The following SLC39A11 variants were observed in gnomAD, a reference collection of about 807,000 sequenced individuals.
The protein encoded by SLC39A11 is solute carrier family 39 member 11.
In SLC39A11, 33 loss-of-function variants were observed where a neutral mutation model predicts 36.1. That is an observed-to-expected ratio of 0.91 (90% CI 0.69 to 1.22). The LOEUF is 1.22. Among genes scored for constraint, SLC39A11 ranks in the 50% most tolerant of loss-of-function variants. The pLI is 0.00. For synonymous variants in SLC39A11, 166 were observed against 170.3 expected (o/e 0.97, Z 0.20); for missense variants, 432 against 430.3 (o/e 1.00, Z -0.03).
At chr17:73,084,715 G>C (rs2060662619) in intron 3 of SLC39A11, 93 bp downstream of exon 3, 2 of 1,218,958 alleles carry the variant, frequency 1.6e-6, no homozygotes, top group Non-Finnish European at 2.4e-6. Context: ...ATGCATCTAG[G>C]TCGCAAGGGG....
intron 6 of SLC39A11, among the ~76,000 whole-genome samples, chr17:72,832,831 G>C (rs1478357904): frequency 2.6e-5 from 4 of 152,180 alleles, no homozygotes; most frequent in Non-Finnish European, 5.9e-5. Context: ...AGTAAGCTGG[G>C]ACCATTATAA....
chr17:72,909,300 G>A (rs558370363), intron 5 of SLC39A11, among the ~76,000 whole-genome samples: 1 of 152,320 alleles, frequency 6.6e-6, no homozygotes, highest in South Asian at 2.1e-4. Context: ...GGTCCAGTAG[G>A]TATGAAGAAT....
chr17:72,949,827 G>C (rs972726061), intron 4 of SLC39A11, among the ~76,000 whole-genome samples: 2 of 152,020 alleles, frequency 1.3e-5, no homozygotes, highest in African/African-American at 4.8e-5. Flanking sequence ...TAATGCGGGA[G>C]AGGAGAAGGC....
chr17:72,767,936 C>T (rs537733676), intron 6 of SLC39A11, among the ~76,000 whole-genome samples: 1 of 150,702 alleles, frequency 6.6e-6, no homozygotes, highest in East Asian at 2.0e-4. Context: ...CAATCGCATC[C>T]AAAGCTCCTA....
At chr17:72,687,172 G>A (rs530108915) in intron 7 of SLC39A11, among the ~76,000 whole-genome samples, 5 of 151,182 alleles carry the variant, frequency 3.3e-5, no homozygotes, top group South Asian at 2.1e-4. Context: ...GACTACAGGC[G>A]TATGCCATCA....
intron 5 of SLC39A11, among the ~76,000 whole-genome samples, chr17:72,855,634 C>T (rs1022270217): frequency 8.5e-5 from 13 of 152,326 alleles, no homozygotes; most frequent in Middle Eastern, 3.4e-3. Context: ...CGGTGGCTCA[C>T]GCCTGTAATC....
intron 5 of SLC39A11, among the ~76,000 whole-genome samples, chr17:72,860,124 G>T (rs1170124730): frequency 1.9e-4 from 29 of 151,742 alleles, no homozygotes. Flanking sequence ...GTTGAAGGTG[G>T]GTAGTGGAGC....
At chr17:72,784,029 A>C (rs2076414869) in intron 6 of SLC39A11, among the ~76,000 whole-genome samples, 1 of 152,098 alleles carries the variant, frequency 6.6e-6, no homozygotes, top group South Asian at 2.1e-4. Context: ...ACAAGCAAAG[A>C]AAGTATGAAT....
At chr17:73,078,982 T>A (rs559742118) in intron 3 of SLC39A11, among the ~76,000 whole-genome samples, 1 of 152,188 alleles carries the variant, frequency 6.6e-6, no homozygotes, top group Non-Finnish European at 1.5e-5. Context: ...AAACTCTTTT[T>A]CAAAAGCCAA....
At chr17:72,870,320 ATT>A (rs2080543257) in intron 5 of SLC39A11, among the ~76,000 whole-genome samples, 1 of 2,112 alleles carries the variant, frequency 4.7e-4, no homozygotes, top group Non-Finnish European at 6.6e-4. Context: ...AACATCCCAG[ATT>A]TAGGTATGCT....
chr17:72,897,052 C>CAA (rs10656675), intron 5 of SLC39A11, among the ~76,000 whole-genome samples: 24,376 of 63,656 alleles, frequency 0.38, 5,322 homozygotes, highest in East Asian at 0.55. Flanking sequence ...GACTCTGTCT[C>CAA]AAAAAAAAAA....
chr17:72,936,643 A>T (rs968164218), intron 5 of SLC39A11, among the ~76,000 whole-genome samples: 9 of 152,108 alleles, frequency 5.9e-5, no homozygotes, highest in Admixed American at 4.6e-4. Flanking sequence ...GTAAGAACCT[A>T]GCCCTGGAGC....
intron 4 of SLC39A11, among the ~76,000 whole-genome samples, chr17:73,009,250 T>C (rs1436038141): frequency 2.7e-5 from 4 of 147,890 alleles, no homozygotes; most frequent in African/African-American, 1.0e-4. Context: ...GCATCTGTAG[T>C]CCCCGCTACG....
At chr17:72,728,076 C>T (rs1393316736) in intron 7 of SLC39A11, among the ~76,000 whole-genome samples, 2 of 152,146 alleles carry the variant, frequency 1.3e-5, no homozygotes, top group Non-Finnish European at 1.5e-5. Flanking sequence ...AGACAGTTGG[C>T]CTCAGAGTAT....
At chr17:72,929,736 C>G (rs1055506742) in intron 5 of SLC39A11, among the ~76,000 whole-genome samples, 1 of 152,052 alleles carries the variant, frequency 6.6e-6, no homozygotes, top group African/African-American at 2.4e-5. Context: ...AGTTGTGCCC[C>G]GGGGGTCTTG....
At chr17:72,816,376 C>A (rs1238232512) in intron 6 of SLC39A11, among the ~76,000 whole-genome samples, 16 of 151,922 alleles carry the variant, frequency 1.1e-4, no homozygotes, top group Non-Finnish European at 2.2e-4. Context: ...TTTCTTCCCA[C>A]CCTCATTCTC....
At position 72,738,681 on chromosome 17, in the gene SLC39A11, A is replaced by G. The variant is rs942884679; in HGVS notation, c.602-1962T>C. 2.7e-4 allele frequency among the ~76,000 whole-genome samples: 41 copies of G among 152,208 alleles called. 1 individual carries two copies. Among genetic ancestry groups the G allele is most frequent in the Admixed American group, 2.7e-3 (41 of 15,272 alleles). ...CCCCTCGATCCAAACACGAAGGAGAACTACTGAATTACCACCACTGTTCAG... is the reference window on the plus strand; with the variant it reads ...CCCCTCGATCCAAACACGAAGGAGAGCTACTGAATTACCACCACTGTTCAG... On this transcript the variant is annotated intron_variant, in intron 6 of 9. Coordinates refer to ENST00000255559, the MANE Select transcript of SLC39A11 (RefSeq NM_139177.4).
intron 7 of SLC39A11, among the ~76,000 whole-genome samples, chr17:72,660,992 C>G (rs148075154): frequency 6.6e-6 from 1 of 152,176 alleles, no homozygotes; most frequent in Non-Finnish European, 1.5e-5. Context: ...AATAGCTGGA[C>G]GACAAAAACT....
At chr17:72,822,197 T>G (rs2077811215) in intron 6 of SLC39A11, among the ~76,000 whole-genome samples, 1 of 150,082 alleles carries the variant, frequency 6.7e-6, no homozygotes, top group South Asian at 2.1e-4. Flanking sequence ...TACTACACAT[T>G]ATATGCACAT....
Sources: gnomAD v4.1 joint callset for allele counts (sites outside exome capture counted in the v4.1 genomes callset) on GRCh38, gnomAD v4.1.1 for gene constraint, MANE v1.5 for transcripts, NCBI Gene and HGNC (gene_info 2026-07-23, HGNC 2026-07-21) for gene names.